The following CAST variants were observed in gnomAD, a reference collection of about 807,000 sequenced individuals.
The protein encoded by CAST is calpastatin.
In CAST, 76 loss-of-function variants were observed where a neutral mutation model predicts 119.6. The observed-to-expected ratio is 0.64, with a 90% CI of 0.53 to 0.77. CAST has a LOEUF of 0.77. Among genes scored for constraint, CAST ranks in the 30% least tolerant of loss-of-function variants. The pLI, the probability that CAST is intolerant of heterozygous loss-of-function variation, is 0.00. For synonymous variants in CAST, 319 were observed against 331.6 expected, an observed-to-expected ratio of 0.96 and a Z score of 0.41; for missense variants, 953 against 946.5, an observed-to-expected ratio of 1.01 and a Z score of -0.09.
In CAST at chr5:96,679,252, TGA is replaced by T. The variant is rs539412536; in HGVS notation, c.138+3656_138+3657del. ...TTGAGGATAGGGTAAGGTAAGTGTC[TGA>T]GAGAATTTATTTATGTTTGCTTGTT... is the stretch of plus-strand genomic sequence containing the variant. On this transcript the variant is annotated intron_variant, in intron 2 of 31. Transcript: ENST00000675179. The T allele has an allele frequency of 7.7e-4, 117 of 152,322 alleles. 1 individual carries two copies. Among genetic ancestry groups the T allele is most frequent in the Middle Eastern group, 3.4e-3 (1 of 294 alleles). The allele number at this position is 152,322 out of a possible 1,614,324, so 9.4% of individuals were successfully genotyped here.
chr5:96,512,403 A>G, the CAST span, among the ~76,000 whole-genome samples: 2 of 152,200 alleles, frequency 1.3e-5, no homozygotes, highest in African/African-American at 4.8e-5. Context: ...CCACTTCGGA[A>G]AACATGGCTC....
At chr5:96,399,166 A>C in the CAST span, 1 of 689,626 alleles carries the variant, frequency 1.5e-6, no homozygotes, top group African/African-American at 1.8e-5. Flanking sequence ...GATGTGTAGA[A>C]CCTAATTCAG....
chr5:96,645,084 A>G lies in CAST; in HGVS notation c.61-30455A>G, dbSNP rs1454671386. ...CCCAATCCAATACTACATACTCACT[A>G]TATTTAGTCATCATGTCCCCTTCGA... is the stretch of plus-strand genomic sequence containing the variant. On this transcript the variant is annotated intron_variant, in intron 1 of 11. Transcript: ENST00000505143. Among the ~76,000 whole-genome samples the G allele has an allele frequency of 3.9e-5, 6 of 152,148 alleles. No homozygotes were observed. The South Asian group carries it at 6.2e-4, about 16-fold the overall frequency.
chr5:96,326,401 T>C, the CAST span, among the ~76,000 whole-genome samples: 4 of 152,230 alleles, frequency 2.6e-5, no homozygotes, highest in Non-Finnish European at 5.9e-5. Flanking sequence ...CCCCATTACA[T>C]GTGTTTTTAT....
At chr5:96,725,009 A>G (rs1355439373) in intron 4 of CAST, among the ~76,000 whole-genome samples, 1 of 152,146 alleles carries the variant, frequency 6.6e-6, no homozygotes, top group African/African-American at 2.4e-5. Context: ...GTTTATTTCA[A>G]GCGTGGCCTG....
At chr5:96,551,342 A>C (rs1746123080) in intron 1 of CAST, among the ~76,000 whole-genome samples, 1 of 152,212 alleles carries the variant, frequency 6.6e-6, no homozygotes, top group Non-Finnish European at 1.5e-5. Context: ...AGGAAAAACA[A>C]AATCCTTCGC....
At chr5:96,744,053 A>G (rs1581230652) in intron 16 of CAST, among the ~76,000 whole-genome samples, 2 of 152,194 alleles carry the variant, frequency 1.3e-5, no homozygotes, top group East Asian at 1.9e-4. Flanking sequence ...AAAAGCAGAT[A>G]AGCAGATGTT....
At chr5:96,008,958 C>A in the CAST span, among the ~76,000 whole-genome samples, 1 of 152,128 alleles carries the variant, frequency 6.6e-6, no homozygotes, top group South Asian at 2.1e-4. Flanking sequence ...GTTTTTCAAA[C>A]CATGCCCCAC....
the CAST span, among the ~76,000 whole-genome samples, chr5:96,417,490 G>A: frequency 3.8e-3 from 579 of 151,826 alleles, 3 homozygotes; most frequent in African/African-American, 0.013. Context: ...TAGATTATAG[G>A]GAAGAAACCC....
the CAST span, among the ~76,000 whole-genome samples, chr5:95,979,675 T>C: frequency 3.9e-5 from 6 of 152,336 alleles, no homozygotes; most frequent in East Asian, 9.6e-4. Context: ...TGAGTACTTA[T>C]TGTATGGATT....
chr5:96,391,089 C>T, the CAST span: 1 of 152,160 alleles, frequency 6.6e-6, no homozygotes, highest in African/African-American at 2.4e-5. Flanking sequence ...TTGATATGCT[C>T]CAATATTGGA....
At chr5:96,413,402 C>T in the CAST span, among the ~76,000 whole-genome samples, 3 of 152,180 alleles carry the variant, frequency 2.0e-5, no homozygotes, top group Non-Finnish European at 4.4e-5. Context: ...CAATAAAGTG[C>T]ACAGCCTTAG....
At chr5:96,002,338 T>A in the CAST span, among the ~76,000 whole-genome samples, 1 of 152,194 alleles carries the variant, frequency 6.6e-6, no homozygotes, top group Non-Finnish European at 1.5e-5. Flanking sequence ...AGGGGCTTAG[T>A]AGGATTCCTG....
At chr5:96,369,730 TCTC>T in the CAST span, among the ~76,000 whole-genome samples, 2 of 152,106 alleles carry the variant, frequency 1.3e-5, no homozygotes, top group African/African-American at 4.8e-5. Context: ...TTTACTCAAT[TCTC>T]CTTGTTTTAG....
the CAST span, among the ~76,000 whole-genome samples, chr5:96,234,654 G>C: frequency 6.6e-6 from 1 of 152,138 alleles, no homozygotes; most frequent in Non-Finnish European, 1.5e-5. Flanking sequence ...TTTCTATGCA[G>C]AAAGAAAAGG....
chr5:96,422,101 G>A, the CAST span: 28 of 660,570 alleles, frequency 4.2e-5, no homozygotes, highest in South Asian at 1.2e-4. Flanking sequence ...GTTTCTGGCC[G>A]AGTCACTGAA....
At chr5:96,691,350 A>G (rs535318345) in intron 2 of CAST, among the ~76,000 whole-genome samples, 4 of 151,304 alleles carry the variant, frequency 2.6e-5, no homozygotes, top group African/African-American at 7.2e-5. Flanking sequence ...AAAAAAATCA[A>G]ACTGTTTCCA....
At chr5:96,480,986 A>C in the CAST span, among the ~76,000 whole-genome samples, 2 of 152,234 alleles carry the variant, frequency 1.3e-5, no homozygotes, top group African/African-American at 4.8e-5. Context: ...ACAGATAGCC[A>C]ACCAAAGAAC....
chr5:96,033,438 A>G, the CAST span, among the ~76,000 whole-genome samples: 17 of 152,272 alleles, frequency 1.1e-4, no homozygotes, highest in East Asian at 1.2e-3. Flanking sequence ...CATGCTACTG[A>G]CATAAAAACA....
Sources: allele counts gnomAD v4.1 joint callset (sites outside exome capture counted in the v4.1 genomes callset), GRCh38; gene constraint gnomAD v4.1.1; transcripts MANE v1.5; gene names NCBI Gene and HGNC (gene_info 2026-07-23, HGNC 2026-07-21).